SLC24A3: variants seen among roughly 807,000 people sequenced by gnomAD.
The protein encoded by SLC24A3 is sodium/potassium/calcium exchanger 3.
SLC24A3 carries 28 observed loss-of-function variants against 75.8 expected under a neutral mutation model. That is an observed-to-expected ratio of 0.37 (90% CI 0.27 to 0.51). The LOEUF (loss-of-function observed/expected upper bound fraction) is 0.51, where lower values mean the gene tolerates loss of function less well. SLC24A3 is among the 20% of genes least tolerant of loss of function. The pLI, the probability that SLC24A3 is intolerant of heterozygous loss-of-function variation, is 0.94. For synonymous variants in SLC24A3, 372 were observed against 334.1 expected (o/e 1.11, Z -1.24); for missense variants, 663 against 847.8 (o/e 0.78, Z 2.71).
At chr20:19,467,700 G>A (rs1016879190) in intron 2 of SLC24A3, among the ~76,000 whole-genome samples, 1 of 152,110 alleles carries the variant, frequency 6.6e-6, no homozygotes, top group Non-Finnish European at 1.5e-5. Context: ...GGCCAACATG[G>A]TGAAACCCCA....
chr20:19,688,196 G>A (rs539378285), intron 12 of SLC24A3, among the ~76,000 whole-genome samples: 3 of 152,308 alleles, frequency 2.0e-5, no homozygotes, highest in Admixed American at 2.0e-4. Flanking sequence ...GCCCGAGTCT[G>A]CATTGCTAAT....
At chr20:19,324,394 G>A (rs1209909905) in intron 2 of SLC24A3, among the ~76,000 whole-genome samples, 1 of 152,210 alleles carries the variant, frequency 6.6e-6, no homozygotes, top group Non-Finnish European at 1.5e-5. Flanking sequence ...ATACTATCGT[G>A]TCTAAATTAT....
chr20:19,323,774 T>C (rs116138734), intron 2 of SLC24A3, among the ~76,000 whole-genome samples: 2,472 of 152,342 alleles, frequency 0.016, 58 homozygotes, highest in African/African-American at 0.055. Context: ...AAGTGAAAGC[T>C]GGAACTTCAT....
At chr20:19,429,645 T>C (rs1987068088) in intron 2 of SLC24A3, among the ~76,000 whole-genome samples, 1 of 152,172 alleles carries the variant, frequency 6.6e-6, no homozygotes, top group Non-Finnish European at 1.5e-5. Flanking sequence ...AATGAGGTTC[T>C]TCCAGGATTA....
chr20:19,618,882 C>T (rs942887237), intron 6 of SLC24A3, among the ~76,000 whole-genome samples: 3 of 152,114 alleles, frequency 2.0e-5, no homozygotes, highest in African/African-American at 7.2e-5. Context: ...TCCTCAGATC[C>T]AGAAAGCTTG....
At chr20:19,650,618 A>G (rs2122706717) in intron 6 of SLC24A3, among the ~76,000 whole-genome samples, 1 of 152,240 alleles carries the variant, frequency 6.6e-6, no homozygotes, top group South Asian at 2.1e-4. Flanking sequence ...ATAGAAGAGG[A>G]GGGTTTACGT....
At chr20:19,459,487 A>G (rs1987634771) in intron 2 of SLC24A3, among the ~76,000 whole-genome samples, 1 of 152,148 alleles carries the variant, frequency 6.6e-6, no homozygotes. Flanking sequence ...TGCCTGACAC[A>G]TTTTGCTTTC....
rs370567846 is a variant in SLC24A3 at position 19,480,416 on chromosome 20, G to A, written c.272-35072G>A. ...CCCAAACCCACTCTTACCCAGCTGAGCCATCCTGCCTTTGGGACTATATTA... is the reference window on the plus strand; with the variant it reads ...CCCAAACCCACTCTTACCCAGCTGAACCATCCTGCCTTTGGGACTATATTA... On this transcript the variant is annotated intron_variant, in intron 2 of 16. Coordinates refer to ENST00000328041, the MANE Select transcript of SLC24A3 (RefSeq NM_020689.4). Among the ~76,000 whole-genome samples the A allele has an allele frequency of 5.3e-4, 81 of 152,272 alleles. No individual in the cohort carries two copies. In the Middle Eastern group the frequency reaches 0.024, roughly 45 times the overall value.
rs2122588042 is a variant in SLC24A3, at chr20:19,541,899, CTG to C, written c.348+26340_348+26341del. ...GTCAGCACACACTGTGGTGCTCCTA[CTG>C]TGTGCACTACCAGCCAGCCTGTGAG... On this transcript the variant is annotated intron_variant, in intron 3 of 16. Coordinates refer to ENST00000328041, the MANE Select transcript of SLC24A3 (RefSeq NM_020689.4). 2.0e-5 allele frequency among the ~76,000 whole-genome samples: 3 copies of C among 152,322 alleles called. 1 individual carries two copies. The South Asian group carries it at 6.2e-4, about 32-fold the overall frequency.
chr20:19,426,432 A>G (rs1348099744), intron 2 of SLC24A3, among the ~76,000 whole-genome samples: 1 of 152,224 alleles, frequency 6.6e-6, no homozygotes, highest in Non-Finnish European at 1.5e-5. Context: ...AATTGTTTAT[A>G]TACAACTTTA....
chr20:19,262,298 G>A (rs985389066), intron 1 of SLC24A3, among the ~76,000 whole-genome samples: 1 of 151,192 alleles, frequency 6.6e-6, no homozygotes, highest in Non-Finnish European at 1.5e-5. Flanking sequence ...CCAGCTACGC[G>A]GGAGGCTGAG....
intron 3 of SLC24A3, among the ~76,000 whole-genome samples, chr20:19,536,983 A>G (rs192990858): frequency 0.017 from 2,650 of 152,348 alleles, 41 homozygotes; most frequent in Non-Finnish European, 0.022. Context: ...CTTCATGTAT[A>G]AAACACCAAA....
At chr20:19,406,221 T>A (rs1466591748) in intron 2 of SLC24A3, among the ~76,000 whole-genome samples, 1,590 of 150,566 alleles carry the variant, frequency 0.011, 34 homozygotes, top group African/African-American at 0.038. Context: ...TGCGTGTGTG[T>A]GTGTGTGAGA....
chr20:19,533,563 C>T (rs1013982525), intron 3 of SLC24A3, among the ~76,000 whole-genome samples: 7 of 147,500 alleles, frequency 4.7e-5, no homozygotes, highest in Admixed American at 1.4e-4. Context: ...TCCCAGGCAG[C>T]GAGACACTAT....
chr20:19,618,923 G>C (rs1857452184), intron 6 of SLC24A3, among the ~76,000 whole-genome samples: 1 of 152,124 alleles, frequency 6.6e-6, no homozygotes, highest in African/African-American at 2.4e-5. Flanking sequence ...GTTGGAAAGT[G>C]CTGCGTTGTT....
intron 2 of SLC24A3, among the ~76,000 whole-genome samples, chr20:19,282,538 C>A (rs915880158): frequency 6.6e-6 from 1 of 152,236 alleles, no homozygotes; most frequent in African/African-American, 2.4e-5. Context: ...CAAGGACTAG[C>A]CTGAAAAGGC....
intron 2 of SLC24A3, among the ~76,000 whole-genome samples, chr20:19,408,266 G>A (rs1986683301): frequency 6.6e-6 from 1 of 151,918 alleles, no homozygotes; most frequent in African/African-American, 2.4e-5. Flanking sequence ...TATATTTGTT[G>A]TCATTAAAAA....
rs756941343 is a variant in SLC24A3 at position 19,222,813 on chromosome 20, CTTCG to C, written c.142+9833_142+9836del. On this transcript the variant is annotated intron_variant, in intron 1 of 16. Transcript: ENST00000328041. ...CCTTCCTTCCTTCCTTCCTTCCTTC[CTTCG>C]TTCCTTCCTTCCTTCCTTCTTTCCT... Among the ~76,000 whole-genome samples, 393 of 142,000 alleles carry C rather than the reference CTTCG, an allele frequency of 2.8e-3. 4 individuals carry two copies. Among genetic ancestry groups the C allele is most frequent in the Non-Finnish European group, 3.6e-3 (236 of 65,924 alleles). The allele number at this position is 142,000 out of a possible 152,430, so 93.2% of individuals were successfully genotyped here.
chr20:19,700,196 A>T (rs4239734), intron 15 of SLC24A3, among the ~76,000 whole-genome samples: 20,511 of 152,152 alleles, frequency 0.13, 1,590 homozygotes, highest in South Asian at 0.3. Context: ...CCAAAATTCC[A>T]CTGGAGTAGC....
Sources: gnomAD v4.1 joint callset for allele counts (sites outside exome capture counted in the v4.1 genomes callset) on GRCh38, gnomAD v4.1.1 for gene constraint, MANE v1.5 for transcripts, NCBI Gene and HGNC (gene_info 2026-07-23, HGNC 2026-07-21) for gene names.